Variants in SH3RF2 observed in about 807,000 individuals in gnomAD.
SH3RF2 encodes the protein SH3 domain containing ring finger 2.
In SH3RF2, 43 loss-of-function variants were observed where a neutral mutation model predicts 59.0. The ratio of observed to expected loss-of-function variants is 0.73; its 90% CI spans 0.57 to 0.94. The LOEUF is 0.94. Among genes scored for constraint, SH3RF2 ranks in the 40% least tolerant of loss-of-function variants. SH3RF2 has a pLI of 0.00. For synonymous variants in SH3RF2, 391 were observed against 391.5 expected (o/e 1.00, Z 0.01); for missense variants, 930 against 940.1 (o/e 0.99, Z 0.14).
chr5:145,997,119 G>A (rs910296535), intron 2 of SH3RF2: 2 of 637,276 alleles, frequency 3.1e-6, no homozygotes, highest in South Asian at 3.7e-5. Flanking sequence ...TGTTGTGCAG[G>A]TTATTTCATC....
At chr5:146,031,995 T>C (rs1345601815) in intron 5 of SH3RF2, among the ~76,000 whole-genome samples, 9 of 152,162 alleles carry the variant, frequency 5.9e-5, no homozygotes, top group Non-Finnish European at 1.3e-4. Context: ...ATGAACTTCA[T>C]AGCCAAGGTC....
chr5:145,937,733 C>G (rs1757648811), intron 1 of SH3RF2, 90 bp from the exon 2 acceptor site: 1 of 619,060 alleles, frequency 1.6e-6, no homozygotes, highest in South Asian at 2.2e-5. Context: ...TACTTGCAAA[C>G]TGCCTTATGA....
At chr5:146,071,558 C>T (rs1167527430) in intron 9 of SH3RF2, among the ~76,000 whole-genome samples, 6 of 152,164 alleles carry the variant, frequency 3.9e-5, no homozygotes. Context: ...CTTAGGACTT[C>T]TTTGTTATGG....
chr5:145,988,526 A>C (rs1244018923), intron 2 of SH3RF2, among the ~76,000 whole-genome samples: 1 of 152,082 alleles, frequency 6.6e-6, no homozygotes, highest in Non-Finnish European at 1.5e-5. Flanking sequence ...AGGGATGCTA[A>C]ATGTTTTGGC....
intron 2 of SH3RF2, among the ~76,000 whole-genome samples, chr5:145,963,083 G>C (rs1356261006): frequency 2.0e-5 from 3 of 151,460 alleles, no homozygotes; most frequent in African/African-American, 7.3e-5. Context: ...ATTTTTAGTA[G>C]AGATGGAGTT....
At chr5:145,997,018 T>C (rs1318090784) in intron 2 of SH3RF2, among the ~76,000 whole-genome samples, 1 of 152,180 alleles carries the variant, frequency 6.6e-6, no homozygotes, top group Admixed American at 6.5e-5. Flanking sequence ...TCTGAAAACC[T>C]TGGCCAAAAG....
chr5:145,942,393 C>T (rs549715002), intron 2 of SH3RF2, among the ~76,000 whole-genome samples: 3 of 152,196 alleles, frequency 2.0e-5, no homozygotes, highest in Non-Finnish European at 2.9e-5. Context: ...CAAGAACACA[C>T]CTGCCACCTC....
intron 5 of SH3RF2, among the ~76,000 whole-genome samples, chr5:146,020,987 C>T (rs1055182595): frequency 6.6e-6 from 1 of 152,116 alleles, no homozygotes; most frequent in African/African-American, 2.4e-5. Context: ...CTTTTAACCC[C>T]ATATTTGAAA....
chr5:145,998,002 C>A, intron 2 of SH3RF2: 1 of 727,578 alleles, frequency 1.4e-6, no homozygotes, highest in Non-Finnish European at 2.5e-6. Context: ...AAGTATAGCA[C>A]TGGAACCTGA....
At chr5:146,044,196 G>T (rs1361390748) in intron 5 of SH3RF2, among the ~76,000 whole-genome samples, 8 of 151,604 alleles carry the variant, frequency 5.3e-5, no homozygotes, top group Non-Finnish European at 1.0e-4. Flanking sequence ...TGTCACCCAG[G>T]CTAGAGTGCA....
chr5:146,064,764 AAGGAAGGAAGGAAAGGAAGG>A (rs1561773609), downstream of SH3RF2, among the ~76,000 whole-genome samples: 8 of 4,186 alleles, frequency 1.9e-3, no homozygotes, highest in Admixed American at 5.4e-3. Flanking sequence ...GGAAGGAAGG[AAGGAAGGAAGGAAAGGAAGG>A]AAGGAAGGAA....
chr5:146,009,483 A>C (rs1056403069), intron 4 of SH3RF2, among the ~76,000 whole-genome samples: 1 of 152,040 alleles, frequency 6.6e-6, no homozygotes, highest in Non-Finnish European at 1.5e-5. Context: ...TTCTGGGCAT[A>C]TTCTTACCTC....
intron 5 of SH3RF2, among the ~76,000 whole-genome samples, chr5:146,029,949 G>A (rs1469146130): frequency 6.6e-6 from 1 of 152,118 alleles, no homozygotes; most frequent in African/African-American, 2.4e-5. Flanking sequence ...ATCAAGCCCT[G>A]ATGGAAAATT....
chr5:146,025,951 C>A (rs1374089186), intron 5 of SH3RF2, among the ~76,000 whole-genome samples: 1 of 152,198 alleles, frequency 6.6e-6, no homozygotes, highest in Non-Finnish European at 1.5e-5. Context: ...AAGCTGCAGC[C>A]ATTGCTATTA....
In SH3RF2 at chr5:145,938,173, C is replaced by T; in HGVS notation, c.245C>T (p.Ser82Phe). 1 of 1,614,082 alleles carries T rather than the reference C, an allele frequency of 6.2e-7. No individual in the cohort carries two copies. The highest frequency in any genetic ancestry group is 8.5e-7 in the Non-Finnish European group (1 of 1,180,018). The change falls in exon 2 of 10, where the codon TCC becomes TTC. Residue 82 changes from serine to phenylalanine, a missense_variant. Transcript: ENST00000359120. Reference sequence around the variant, plus strand: ...GATGGAGTGCGCTCAGGGCAGAGCTCCGGGAGAGGGGGCTCCTTCCGCAGG... The same window carrying T: ...GATGGAGTGCGCTCAGGGCAGAGCTTCGGGAGAGGGGGCTCCTTCCGCAGG... ...LLDGVRSGQS[S>F]GRGGSFRRPG...
rs141028224 is a variant in SH3RF2 at position 145,942,129 on chromosome 5, G to A, written c.378+3823G>A. Among the ~76,000 whole-genome samples, 660 of 152,288 alleles carry A rather than the reference G, an allele frequency of 4.3e-3. 6 individuals carry two copies. Among genetic ancestry groups the A allele is most frequent in the African/African-American group, 0.015 (644 of 41,552 alleles). Reference sequence around the variant, plus strand: ...CTTAAGGCACTATGATCCATTCTAGGAGAAAACTCCCTAACTAACTTCACT... The same window carrying A: ...CTTAAGGCACTATGATCCATTCTAGAAGAAAACTCCCTAACTAACTTCACT... On this transcript the variant is annotated intron_variant, in intron 2 of 9. Transcript: ENST00000359120.
intron 8 of SH3RF2, among the ~76,000 whole-genome samples, chr5:146,056,446 C>A (rs1348209850): frequency 6.6e-6 from 1 of 152,182 alleles, no homozygotes; most frequent in Non-Finnish European, 1.5e-5. Flanking sequence ...GTGATGGCAG[C>A]CCTGAGTGCC....
At chr5:146,011,665 GATTTGGCTCTCTGTTT>G (rs1760903747) in intron 4 of SH3RF2, among the ~76,000 whole-genome samples, 2 of 152,150 alleles carry the variant, frequency 1.3e-5, no homozygotes, top group African/African-American at 4.8e-5. Flanking sequence ...GTTCGCTCAT[GATTTGGCTCTCTGTTT>G]GTCTGTTATT....
downstream of SH3RF2, among the ~76,000 whole-genome samples, chr5:146,064,731 G>A (rs188452009): frequency 1.6e-4 from 1 of 6,444 alleles, no homozygotes; most frequent in Admixed American, 1.4e-3. Flanking sequence ...AGAAAGAAAG[G>A]AAGGAAGGAA....
Sources: gnomAD v4.1 joint callset for allele counts (sites outside exome capture counted in the v4.1 genomes callset) on GRCh38, gnomAD v4.1.1 for gene constraint, MANE v1.5 for transcripts, NCBI Gene and HGNC (gene_info 2026-07-23, HGNC 2026-07-21) for gene names.